The following CACNA1I variants were observed in gnomAD, a reference collection of about 807,000 sequenced individuals.
CACNA1I encodes the protein voltage-dependent T-type calcium channel subunit alpha-1I.
Under a neutral mutation model 201.6 loss-of-function variants are expected in CACNA1I, and 74 were observed. The ratio of observed to expected loss-of-function variants is 0.37; its 90% CI spans 0.30 to 0.45. The LOEUF (loss-of-function observed/expected upper bound fraction) is 0.45. Among genes scored for constraint, CACNA1I ranks in the 20% least tolerant of loss-of-function variants. The pLI is 1.00. For synonymous variants in CACNA1I, 1,431 were observed against 1,345.2 expected (o/e 1.06, Z -1.40); for missense variants, 2,346 against 3,138.1 (o/e 0.75, Z 6.03).
Position 39,670,035 on chromosome 22 carries a change from C to T in CACNA1I, c.4195-3C>T, listed in dbSNP as rs996179971. ...TCCTCAGCCCTTTCTGACTCCCCTG[C>T]AGCCTGTGACCAACCACAACCCCTG... On this transcript the variant is annotated splice_region_variant and splice_polypyrimidine_tract_variant and intron_variant, in intron 24 of 36. Transcript: ENST00000402142. 1.2e-6 allele frequency: 2 copies of T among 1,612,048 alleles called. No individual in the cohort carries two copies. The highest frequency in any genetic ancestry group is 1.7e-6 in the Non-Finnish European group (2 of 1,179,852).
At chr22:39,638,747 C>T (rs1304372926) in intron 5 of CACNA1I, among the ~76,000 whole-genome samples, 2 of 152,242 alleles carry the variant, frequency 1.3e-5, no homozygotes, top group Admixed American at 6.5e-5. Flanking sequence ...CAGTCCCCAA[C>T]CTTTTTGGCA....
chr22:39,608,845 A>C (rs1384251098), intron 3 of CACNA1I, among the ~76,000 whole-genome samples: 1 of 151,958 alleles, frequency 6.6e-6, no homozygotes. Flanking sequence ...AGAAAAAAAA[A>C]ATTTATTGTA....
intron 3 of CACNA1I, among the ~76,000 whole-genome samples, chr22:39,608,114 T>C (rs1217476009): frequency 3.5e-4 from 14 of 40,422 alleles, no homozygotes; most frequent in Non-Finnish European, 3.8e-4. Context: ...AAACTCCATC[T>C]CCAAAAAAAA....
chr22:39,672,714 A>G (rs999775395), intron 27 of CACNA1I, among the ~76,000 whole-genome samples: 2 of 152,198 alleles, frequency 1.3e-5, no homozygotes, highest in African/African-American at 4.8e-5. Context: ...GCAGGAGGCC[A>G]GAGATATTTA....
chr22:39,618,151 CTT>C (rs770880843), intron 3 of CACNA1I, among the ~76,000 whole-genome samples: 4 of 136,182 alleles, frequency 2.9e-5, no homozygotes, highest in Admixed American at 7.3e-5. Context: ...GTATGTGTGA[CTT>C]TTTTTGGAGG....
chr22:39,661,112 C>G lies in CACNA1I; in HGVS notation c.2703C>G (p.Pro901=). 1 of 1,613,168 alleles carries G rather than the reference C, an allele frequency of 6.2e-7. No homozygotes were observed. The highest frequency in any genetic ancestry group is 8.5e-7 in the Non-Finnish European group (1 of 1,179,566). Residue 901 remains proline, a synonymous_variant, in exon 16 of 37, where the codon CCC becomes CCG. Transcript: ENST00000402142. ...LQEGLDSSGD[P]KLCPIPMTPN... Reference sequence around the variant, plus strand: ...GTCTCCATCTCACTCCTCCAGATCCCAAGCTCTGCCCAATCCCCATGACCC... The same window carrying G: ...GTCTCCATCTCACTCCTCCAGATCCGAAGCTCTGCCCAATCCCCATGACCC...
At chr22:39,582,742 A>G (rs1297874234) in intron 1 of CACNA1I, among the ~76,000 whole-genome samples, 1 of 95,174 alleles carries the variant, frequency 1.1e-5, no homozygotes, top group Non-Finnish European at 2.1e-5. Context: ...CTTCCCCCAT[A>G]CACCCCCCCA....
chr22:39,616,413 C>T (rs1261237141), intron 3 of CACNA1I, among the ~76,000 whole-genome samples: 2 of 152,030 alleles, frequency 1.3e-5, no homozygotes, highest in African/African-American at 4.8e-5. Context: ...CATTGAGGAC[C>T]CTGGGATCAG....
intron 1 of CACNA1I, among the ~76,000 whole-genome samples, chr22:39,591,581 T>C (rs2145817503): frequency 6.6e-6 from 1 of 151,606 alleles, no homozygotes; most frequent in African/African-American, 2.4e-5. Flanking sequence ...GTTTTTGAGA[T>C]GGAGTTTCAC....
intron 10 of CACNA1I, among the ~76,000 whole-genome samples, chr22:39,653,085 C>T (rs136840): frequency 0.071 from 9,089 of 128,242 alleles, 159 homozygotes; most frequent in Middle Eastern, 0.096. Flanking sequence ...GTGCACGGAG[C>T]CCCCCACACG....
intron 19 of CACNA1I, 99 bp downstream of exon 19, chr22:39,663,940 G>A: frequency 6.4e-7 from 1 of 1,555,784 alleles, no homozygotes; most frequent in Non-Finnish European, 8.8e-7. Context: ...TGGGGAGGCA[G>A]GACAGGAAGT....
At chr22:39,601,860 T>A (rs1933046231) in intron 3 of CACNA1I, among the ~76,000 whole-genome samples, 1 of 41,094 alleles carries the variant, frequency 2.4e-5, no homozygotes, top group African/African-American at 1.2e-4. Context: ...CCTCCCTCCT[T>A]CCTTCCTTCC....
In CACNA1I at chr22:39,652,286, G is replaced by A. The variant is rs149959708; in HGVS notation, c.1992+2361G>A. 9.9e-3 allele frequency among the ~76,000 whole-genome samples: 1,502 copies of A among 152,136 alleles called. 21 individuals carry two copies. The highest frequency in any genetic ancestry group is 0.033 in the African/African-American group (1,379 of 41,514). ...GCTGGGATTACAGGCATGAGCCACC[G>A]TGCCCAGCCAGGTGGAGCCTCTTCT... On this transcript the variant is annotated intron_variant, in intron 10 of 36. Coordinates refer to ENST00000402142, the MANE Select transcript of CACNA1I (RefSeq NM_021096.4).
chr22:39,574,225 G>C (rs1312631073), intron 1 of CACNA1I, among the ~76,000 whole-genome samples: 1 of 152,218 alleles, frequency 6.6e-6, no homozygotes, highest in Admixed American at 6.5e-5. Flanking sequence ...GCAAAATTCT[G>C]TGTTTCAAAG....
chr22:39,583,531 C>T (rs1329465953), intron 1 of CACNA1I, among the ~76,000 whole-genome samples: 2 of 152,214 alleles, frequency 1.3e-5, no homozygotes, highest in Admixed American at 1.3e-4. Flanking sequence ...CATCCCTCCA[C>T]TCAACCTTTA....
rs764453460 is a variant in CACNA1I at position 39,679,823 on chromosome 22, C to T, written c.5496C>T (p.Tyr1832=). The T allele has an allele frequency of 6.2e-7, 1 of 1,613,060 alleles. No individual in the cohort carries two copies. Among genetic ancestry groups the T allele is most frequent in the Non-Finnish European group, 8.5e-7 (1 of 1,179,602 alleles). Residue 1832 remains tyrosine, a synonymous_variant, in exon 33 of 37, where the codon TAC becomes TAT. Transcript: ENST00000402142. The stretch of plus-strand genomic sequence containing the variant: ...TGTCGGGCTCCATCTTCCACCACTA[C>T]TCCTCGCCTGCCGGCTGCAAGAAGT... ...DNLSGSIFHH[Y]SSPAGCKKCH... is the part of the protein sequence containing the mutation.
Position 39,657,726 on chromosome 22 carries a change from C to T in CACNA1I, c.1993-426C>T, listed in dbSNP as rs371912628. 9.2e-5 allele frequency among the ~76,000 whole-genome samples: 14 copies of T among 152,352 alleles called. No individual in the cohort carries two copies. In the East Asian group the frequency reaches 1.9e-3, roughly 21 times the overall value. Reference sequence around the variant, plus strand: ...GCTGTAAAATGCATAGAACGGTTCCCGGCACGTGGTAAGTGCTCACTAAAT... The same window carrying T: ...GCTGTAAAATGCATAGAACGGTTCCTGGCACGTGGTAAGTGCTCACTAAAT... On this transcript the variant is annotated intron_variant, in intron 10 of 36. Transcript: ENST00000402142.
chr22:39,665,426 T>C lies in CACNA1I; in HGVS notation c.3852-72T>C. The C allele has an allele frequency of 2.5e-6, 4 of 1,578,140 alleles. No individual in the cohort carries two copies. The highest frequency in any genetic ancestry group is 1.1e-5 in the South Asian group (1 of 88,020). On this transcript the variant is annotated intron_variant, in intron 21 of 36. Transcript: ENST00000402142. This position sits in a 1 kb window ranked among gnomAD's most constrained non-coding sequence, Gnocchi z 5.5. ...CCCTGGGATACTCAGCCCTGGTGAC[T>C]CTGGGCTGAGTAGGGGCTGCCTCCT... is the stretch of plus-strand genomic sequence containing the variant.
In CACNA1I at chr22:39,656,303, G is replaced by T. The variant is rs8137914; in HGVS notation, c.1993-1849G>T. On this transcript the variant is annotated intron_variant, in intron 10 of 36. Coordinates refer to ENST00000402142, the MANE Select transcript of CACNA1I (RefSeq NM_021096.4). ...GCGGCTCCCCGTTGCTGATGGAGGG[G>T]CTCCTGCTCTCGGTCCTCTGCTCTC... is the stretch of plus-strand genomic sequence containing the variant. 2,409 of 464,812 alleles carry T rather than the reference G, an allele frequency of 5.2e-3. 62 individuals carry two copies. The highest frequency in any genetic ancestry group is 0.043 in the African/African-American group (2,170 of 50,278). 28.8% of individuals were successfully genotyped at this position (464,812 alleles called of 1,614,324 possible). A position where few individuals can be genotyped will look rare whatever the true frequency, so the allele number is the denominator to read the frequency against.
Sources: allele counts gnomAD v4.1 joint callset (sites outside exome capture counted in the v4.1 genomes callset), GRCh38; gene constraint gnomAD v4.1.1; non-coding constraint Gnocchi (gnomAD v3.1); transcripts MANE v1.5; gene names NCBI Gene and HGNC (gene_info 2026-07-23, HGNC 2026-07-21).